The following LHFPL2 variants were observed in gnomAD, a reference collection of about 807,000 sequenced individuals.
LHFPL2 encodes LHFPL tetraspan subfamily member 2 protein.
In LHFPL2, 7 loss-of-function variants were observed where a neutral mutation model predicts 17.5. That is an observed-to-expected ratio of 0.40 (90% confidence interval 0.23 to 0.75). The LOEUF (loss-of-function observed/expected upper bound fraction) is 0.75, where lower values mean the gene tolerates loss of function less well. Among genes scored for constraint, LHFPL2 ranks in the 30% least tolerant of loss-of-function variants. The probability of loss-of-function intolerance (pLI) is 0.37; values close to 1 mark genes in which losing one functional copy is unlikely to be tolerated. For synonymous variants in LHFPL2, 134 were observed against 116.2 expected, an observed-to-expected ratio of 1.15 and a Z score of -0.99; for missense variants, 241 against 294.8, an observed-to-expected ratio of 0.82 and a Z score of 1.34.
chr5:78,644,119 A>C, intron 1 of LHFPL2: 1 of 453,356 alleles, frequency 2.2e-6, no homozygotes. Flanking sequence ...AACATTTGGT[A>C]GTGTGTTAAC....
At chr5:78,539,893 T>C (rs952005256) in intron 3 of LHFPL2, among the ~76,000 whole-genome samples, 4 of 152,040 alleles carry the variant, frequency 2.6e-5, no homozygotes, top group African/African-American at 9.7e-5. Flanking sequence ...TTAAATTCCA[T>C]TCTGGCCACA....
intron 2 of LHFPL2, among the ~76,000 whole-genome samples, chr5:78,576,877 C>G (rs1757148110): frequency 6.6e-6 from 1 of 152,108 alleles, no homozygotes; most frequent in Non-Finnish European, 1.5e-5. Flanking sequence ...GACATTGAAC[C>G]AAGCAATCTT....
chr5:78,493,354 C>T (rs528633278), intron 4 of LHFPL2, among the ~76,000 whole-genome samples: 2 of 152,340 alleles, frequency 1.3e-5, no homozygotes, highest in East Asian at 3.9e-4. Context: ...AAGCATCCCT[C>T]AGGCACAGAC....
At chr5:78,524,953 G>C (rs1461845065) in intron 3 of LHFPL2, among the ~76,000 whole-genome samples, 1 of 152,134 alleles carries the variant, frequency 6.6e-6, no homozygotes, top group Non-Finnish European at 1.5e-5. Flanking sequence ...TACTCCTTGA[G>C]TATTAAAGGT....
At chr5:78,541,383 C>G (rs1236686195) in intron 3 of LHFPL2, among the ~76,000 whole-genome samples, 4 of 152,184 alleles carry the variant, frequency 2.6e-5, no homozygotes, top group Non-Finnish European at 4.4e-5. Context: ...AAGTTTCCTG[C>G]CCACTCCTGA....
intron 2 of LHFPL2, among the ~76,000 whole-genome samples, chr5:78,573,419 C>A (rs1757052981): frequency 6.6e-6 from 1 of 152,168 alleles, no homozygotes; most frequent in African/African-American, 2.4e-5. Flanking sequence ...TATAGCTTAG[C>A]TAAAAATAAC....
chr5:78,565,519 T>A (rs1756836437), intron 2 of LHFPL2, among the ~76,000 whole-genome samples: 1 of 152,224 alleles, frequency 6.6e-6, no homozygotes, highest in Admixed American at 6.5e-5. Context: ...TACTAATACA[T>A]TCACAAAACA....
intron 3 of LHFPL2, among the ~76,000 whole-genome samples, chr5:78,562,025 G>T (rs1756742227): frequency 6.6e-6 from 1 of 152,218 alleles, no homozygotes; most frequent in Non-Finnish European, 1.5e-5. Flanking sequence ...CAGGTGGTAA[G>T]AGATTCCCCC....
intron 3 of LHFPL2, 111 bp from the exon 4 acceptor site, chr5:78,510,509 C>G (rs2288391): frequency 0.052 from 20,451 of 394,408 alleles, 1,275 homozygotes; most frequent in East Asian, 0.27. Flanking sequence ...TGCCAGCAAG[C>G]CCCGGGCCTG....
At chr5:78,490,930 G>C (rs2112286012) in intron 4 of LHFPL2, 1 of 152,224 alleles carries the variant, frequency 6.6e-6, no homozygotes, top group Non-Finnish European at 1.5e-5. Flanking sequence ...TCTGAGTTCT[G>C]TTTCTTTACC....
At chr5:78,543,283 G>A (rs1265246680) in intron 3 of LHFPL2, among the ~76,000 whole-genome samples, 1 of 152,168 alleles carries the variant, frequency 6.6e-6, no homozygotes, top group Non-Finnish European at 1.5e-5. Flanking sequence ...CTGCAACAGA[G>A]ACAGCCATTC....
intron 2 of LHFPL2, among the ~76,000 whole-genome samples, chr5:78,623,739 A>C (rs1744939518): frequency 6.6e-6 from 1 of 152,240 alleles, no homozygotes; most frequent in Non-Finnish European, 1.5e-5. Flanking sequence ...TAGATTTTCC[A>C]AATAAGCCAT....
intron 2 of LHFPL2, among the ~76,000 whole-genome samples, chr5:78,609,117 T>G (rs1744324584): frequency 6.6e-6 from 1 of 152,060 alleles, no homozygotes; most frequent in African/African-American, 2.4e-5. Context: ...TAGACAAGTG[T>G]AGTACAAAGA....
intron 3 of LHFPL2, among the ~76,000 whole-genome samples, chr5:78,558,257 C>G (rs565449201): frequency 6.6e-6 from 1 of 152,362 alleles, no homozygotes; most frequent in African/African-American, 2.4e-5. Flanking sequence ...ATTCGTTATA[C>G]AGGGATGATA....
chr5:78,604,706 T>A (rs984362665), intron 2 of LHFPL2, among the ~76,000 whole-genome samples: 2 of 152,240 alleles, frequency 1.3e-5, no homozygotes, highest in African/African-American at 4.8e-5. Flanking sequence ...ATTTTTGTTA[T>A]TACTGTACCT....
At chr5:78,583,734 C>G (rs1186387057) in intron 2 of LHFPL2, among the ~76,000 whole-genome samples, 3 of 150,810 alleles carry the variant, frequency 2.0e-5, no homozygotes, top group African/African-American at 7.3e-5. Context: ...TTCATTTCAA[C>G]TTTGGTGAAT....
intron 2 of LHFPL2, among the ~76,000 whole-genome samples, chr5:78,621,879 C>A (rs966134974): frequency 2.0e-5 from 3 of 152,120 alleles, no homozygotes; most frequent in African/African-American, 7.2e-5. Flanking sequence ...CCCTTTCCCC[C>A]TAAGCTGTTG....
At chr5:78,574,765 A>G (rs1757086778) in intron 2 of LHFPL2, among the ~76,000 whole-genome samples, 1 of 152,252 alleles carries the variant, frequency 6.6e-6, no homozygotes, top group Non-Finnish European at 1.5e-5. Flanking sequence ...CACTGTCCTC[A>G]GAGGCAATTC....
intron 2 of LHFPL2, among the ~76,000 whole-genome samples, chr5:78,566,664 G>C (rs1756867748): frequency 6.6e-6 from 1 of 152,128 alleles, no homozygotes; most frequent in African/African-American, 2.4e-5. Context: ...CAGCATGTTG[G>C]CCAGGCTGGT....
Sources: allele counts gnomAD v4.1 joint callset (sites outside exome capture counted in the v4.1 genomes callset), GRCh38; gene constraint gnomAD v4.1.1; transcripts MANE v1.5; gene names NCBI Gene and HGNC (gene_info 2026-07-23, HGNC 2026-07-21).